Variants in ARHGAP32 observed in about 807,000 individuals in gnomAD.
The protein encoded by ARHGAP32 is Rho GTPase activating protein 32, also known as rho GTPase-activating protein 32.
ARHGAP32 carries 51 observed loss-of-function variants against 186.5 expected under a neutral mutation model. The ratio of observed to expected loss-of-function variants is 0.27; its 90% CI spans 0.22 to 0.35. The LOEUF is 0.35. Ranked by LOEUF, ARHGAP32 falls within the 10% of genes least tolerant of loss-of-function variation. The pLI, the probability that ARHGAP32 is intolerant of heterozygous loss-of-function variation, is 1.00. For missense variants in ARHGAP32, 2,186 were observed against 2,623.5 expected, an observed-to-expected ratio of 0.83 and a Z score of 3.64; for synonymous variants, 950 against 964.3, an observed-to-expected ratio of 0.99 and a Z score of 0.27.
chr11:128,990,082 A>G (rs1405468891), intron 12 of ARHGAP32, among the ~76,000 whole-genome samples: 2 of 152,174 alleles, frequency 1.3e-5, no homozygotes, highest in Admixed American at 6.5e-5. Flanking sequence ...ACCTTTTGCC[A>G]TACAAACCAA....
At chr11:129,177,478 C>G (rs544806819) in intron 1 of ARHGAP32, among the ~76,000 whole-genome samples, 3 of 152,214 alleles carry the variant, frequency 2.0e-5, no homozygotes, top group African/African-American at 4.8e-5. Flanking sequence ...GGCAGAGACA[C>G]AACCAAAAAA....
chr11:129,153,513 T>C (rs993984336), intron 2 of ARHGAP32, among the ~76,000 whole-genome samples: 1 of 151,980 alleles, frequency 6.6e-6, no homozygotes, highest in Non-Finnish European at 1.5e-5. Flanking sequence ...ACAGAAACAG[T>C]ATGGTACTGG....
At chr11:129,104,129 C>T (rs1941982218) in intron 5 of ARHGAP32, among the ~76,000 whole-genome samples, 1 of 151,828 alleles carries the variant, frequency 6.6e-6, no homozygotes, top group Non-Finnish European at 1.5e-5. Context: ...TTCTGATGAA[C>T]AAAAACTGAA....
At chr11:129,197,615 TG>T (rs1301104275) in intron 1 of ARHGAP32, among the ~76,000 whole-genome samples, 86 of 152,308 alleles carry the variant, frequency 5.6e-4, no homozygotes, top group African/African-American at 2.0e-3. Flanking sequence ...TATATATGTA[TG>T]TATCATATAA....
At chr11:129,094,943 C>A (rs1941688987) in intron 5 of ARHGAP32, among the ~76,000 whole-genome samples, 1 of 152,062 alleles carries the variant, frequency 6.6e-6, no homozygotes, top group Admixed American at 6.6e-5. Flanking sequence ...CAGTGTCCAC[C>A]CAGGTAACTA....
chr11:129,275,375 T>C (rs1945518021), intron 1 of ARHGAP32, among the ~76,000 whole-genome samples: 1 of 152,224 alleles, frequency 6.6e-6, no homozygotes, highest in Non-Finnish European at 1.5e-5. Context: ...TGATATTCCC[T>C]GGTCACAAAG....
chr11:129,230,902 AG>A (rs1944850298), intron 1 of ARHGAP32, among the ~76,000 whole-genome samples: 2 of 152,196 alleles, frequency 1.3e-5, no homozygotes, highest in Non-Finnish European at 2.9e-5. Flanking sequence ...TGGGAGGCCA[AG>A]GTGGGCGGAT....
chr11:129,166,977 A>C (rs568029896), intron 1 of ARHGAP32, among the ~76,000 whole-genome samples: 404 of 152,278 alleles, frequency 2.7e-3, no homozygotes, highest in African/African-American at 9.2e-3. Flanking sequence ...ATTTTATGGA[A>C]TACTGTATGT....
At chr11:129,240,213 T>A (rs1944996356) in intron 1 of ARHGAP32, among the ~76,000 whole-genome samples, 1 of 152,090 alleles carries the variant, frequency 6.6e-6, no homozygotes, top group African/African-American at 2.4e-5. Flanking sequence ...ATAAATTTCT[T>A]GGTAAAGTTA....
intron 1 of ARHGAP32, among the ~76,000 whole-genome samples, chr11:129,188,992 C>T (rs1412725016): frequency 6.6e-6 from 1 of 152,110 alleles, no homozygotes; most frequent in Non-Finnish European, 1.5e-5. Flanking sequence ...GAACTAGAAC[C>T]TTTCATGATT....
At chr11:129,172,118 A>G (rs1442640307) in intron 1 of ARHGAP32, among the ~76,000 whole-genome samples, 2 of 152,166 alleles carry the variant, frequency 1.3e-5, no homozygotes, top group Non-Finnish European at 2.9e-5. Flanking sequence ...CTGCAAACAG[A>G]GACAACTTGA....
In ARHGAP32 at chr11:129,055,693, T is replaced by C. The variant is rs186315346; in HGVS notation, c.963+6587A>G. Among the ~76,000 whole-genome samples the C allele has an allele frequency of 8.8e-3, 1,347 of 152,254 alleles. 22 individuals carry two copies. Among genetic ancestry groups the C allele is most frequent in the African/African-American group, 0.031 (1,279 of 41,546 alleles). Reference sequence around the variant, plus strand: ...AAGCCAGTCTGAAAAGGCCACATACTATACGATTCCAACAATACGGATATT... The same window carrying C: ...AAGCCAGTCTGAAAAGGCCACATACCATACGATTCCAACAATACGGATATT... On this transcript the variant is annotated intron_variant, in intron 10 of 22. Coordinates refer to ENST00000682385, the MANE Select transcript of ARHGAP32 (RefSeq NM_001378024.1).
At chr11:129,191,947 C>G in intron 1 of ARHGAP32, 136 bp downstream of exon 1, 1 of 665,440 alleles carries the variant, frequency 1.5e-6, no homozygotes, top group Non-Finnish European at 2.6e-6. Flanking sequence ...TCAAAACCTG[C>G]TCCCTTGAGC....
At chr11:128,995,239 C>A (rs1946165855) in intron 12 of ARHGAP32, among the ~76,000 whole-genome samples, 1 of 152,068 alleles carries the variant, frequency 6.6e-6, no homozygotes, top group African/African-American at 2.4e-5. Flanking sequence ...CAGGGTTTTG[C>A]CTTGTTGCCC....
At chr11:129,054,780 C>G (rs1940185587) in intron 10 of ARHGAP32, among the ~76,000 whole-genome samples, 1 of 152,110 alleles carries the variant, frequency 6.6e-6, no homozygotes, top group South Asian at 2.1e-4. Flanking sequence ...TCAATATACT[C>G]CTTAGGTGAC....
At chr11:129,008,091 G>C (rs549245427) in intron 11 of ARHGAP32, among the ~76,000 whole-genome samples, 2 of 152,306 alleles carry the variant, frequency 1.3e-5, no homozygotes, top group South Asian at 4.1e-4. Flanking sequence ...GCCACTACCA[G>C]GGGATGGGGG....
chr11:129,109,360 T>C (rs1286015407), intron 5 of ARHGAP32, among the ~76,000 whole-genome samples: 1 of 152,242 alleles, frequency 6.6e-6, no homozygotes, highest in Non-Finnish European at 1.5e-5. Flanking sequence ...ATCTTTGTTA[T>C]TGTAAATAGT....
chr11:129,123,626 G>T lies in ARHGAP32; in HGVS notation c.360-96C>A. The T allele has an allele frequency of 5.3e-6, 6 of 1,135,156 alleles. No homozygotes were observed. Among genetic ancestry groups the T allele is most frequent in the Non-Finnish European group, 7.7e-6 (6 of 777,422 alleles). The allele number at this position is 1,135,156 out of a possible 1,614,324, so 70.3% of individuals were successfully genotyped here. On this transcript the variant is annotated intron_variant, in intron 4 of 22. Coordinates refer to ENST00000682385, the MANE Select transcript of ARHGAP32 (RefSeq NM_001378024.1). This position sits in a 1 kb window ranked among gnomAD's most constrained non-coding sequence, Gnocchi z 4.6. ...ACAGTGGATTTAAGAGCTCATGCAA[G>T]CAAAAATATTTCGTAAGCACATGCG... is the stretch of plus-strand genomic sequence containing the variant.
At chr11:129,276,208 A>T (rs1366500315) in intron 1 of ARHGAP32, among the ~76,000 whole-genome samples, 2 of 152,276 alleles carry the variant, frequency 1.3e-5, no homozygotes, top group Non-Finnish European at 2.9e-5. Context: ...TCAAAATTGC[A>T]AGTACTACCG....
Sources: gnomAD v4.1 joint callset for allele counts (sites outside exome capture counted in the v4.1 genomes callset) on GRCh38, gnomAD v4.1.1 for gene constraint, Gnocchi (gnomAD v3.1) non-coding constraint, MANE v1.5 for transcripts, NCBI Gene and HGNC (gene_info 2026-07-23, HGNC 2026-07-21) for gene names.